Variants in SARDH observed in about 807,000 individuals in gnomAD.
The protein encoded by SARDH is sarcosine dehydrogenase.
Under a neutral mutation model 109.1 loss-of-function variants are expected in SARDH, and 95 were observed. The observed-to-expected ratio is 0.87, with a 90% CI of 0.74 to 1.03. The LOEUF (loss-of-function observed/expected upper bound fraction) is 1.03, where lower values mean the gene tolerates loss of function less well. Ranked by LOEUF, SARDH falls within the 50% of genes least tolerant of loss-of-function variation. SARDH has a pLI of 0.00. For synonymous variants in SARDH, 572 were observed against 534.8 expected (o/e 1.07, Z -0.96); for missense variants, 1,267 against 1,287.8 (o/e 0.98, Z 0.25).
rs1180871321 is a variant in SARDH at position 133,663,691 on chromosome 9, G to A, written c.*198C>T. 4 of 701,150 alleles carry A rather than the reference G, an allele frequency of 5.7e-6. No individual in the cohort carries two copies. The highest frequency in any genetic ancestry group is 9.7e-6 in the Non-Finnish European group (4 of 413,062). The allele number at this position is 701,150 out of a possible 1,614,324, so 43.4% of individuals were successfully genotyped here. A position where few individuals can be genotyped will look rare whatever the true frequency, so the allele number is the denominator to read the frequency against. On this transcript the variant is annotated 3_prime_UTR_variant, in exon 21 of 21. Transcript: ENST00000439388. ...GGAGGATTGGGGTGGATTAGAGACT[G>A]CCTTCCAGTCAGTGACCACAGGATG...
At chr9:133,720,064 C>A (rs1189144144) in intron 6 of SARDH, among the ~76,000 whole-genome samples, 2 of 151,350 alleles carry the variant, frequency 1.3e-5, no homozygotes, top group Non-Finnish European at 2.9e-5. Flanking sequence ...GAGCCGAGAT[C>A]GTGCCACTGC....
chr9:133,712,586 G>A lies in SARDH; in HGVS notation c.1328+33C>T, dbSNP rs756680. 53,820 of 1,576,740 alleles carry A rather than the reference G, an allele frequency of 0.034. 1,280 individuals are homozygous for A. Among genetic ancestry groups the A allele is most frequent in the East Asian group, 0.11 (4,988 of 44,676 alleles). Reference sequence around the variant, plus strand: ...CCCCACGCCACCTGTCCTGAGTGGCGGGCCCTGCCCTTAGGTCCCAATGGG... The same window carrying A: ...CCCCACGCCACCTGTCCTGAGTGGCAGGCCCTGCCCTTAGGTCCCAATGGG... On this transcript the variant is annotated intron_variant, in intron 10 of 20. Transcript: ENST00000439388. The surrounding 1 kb of genome is among the most constrained non-coding windows in gnomAD (Gnocchi z 4.1).
intron 8 of SARDH, among the ~76,000 whole-genome samples, chr9:133,716,474 G>C (rs1236136288): frequency 6.6e-6 from 1 of 152,218 alleles, no homozygotes; most frequent in Non-Finnish European, 1.5e-5. Context: ...TTCCCAGAGA[G>C]TGCACCTTTG....
intron 7 of SARDH, 81 bp from the exon 8 acceptor site, chr9:133,717,536 C>G: frequency 6.4e-7 from 1 of 1,570,096 alleles, no homozygotes; most frequent in Non-Finnish European, 8.7e-7. Context: ...CTTGTGATGG[C>G]TGCCAGGCCA....
At chr9:133,727,534 G>A (rs546498885) in intron 6 of SARDH, among the ~76,000 whole-genome samples, 2 of 152,382 alleles carry the variant, frequency 1.3e-5, no homozygotes, top group East Asian at 3.9e-4. Context: ...GTCAGGGCCA[G>A]CGGCCTGGCT....
intron 1 of SARDH, among the ~76,000 whole-genome samples, chr9:133,735,329 C>T (rs942642407): frequency 5.3e-5 from 8 of 152,214 alleles, no homozygotes; most frequent in African/African-American, 1.7e-4. Flanking sequence ...ACAGGCCTTC[C>T]TCCCCTCTGC....
chr9:133,708,313 T>A lies in SARDH; in HGVS notation c.1444A>T (p.Asn482Tyr). ...TCGTGCAGCGGGTCTCTCCTCATGT[T>A]GCGCCCGGCCAGCGGCTCATCGTGG... Reference protein sequence around the residue: ...FPHDEPLAGRNMRRDPLHEEL... With the variant: ...FPHDEPLAGRYMRRDPLHEEL... Residue 482 changes from asparagine (N) to tyrosine (Y), a missense_variant, in exon 11 of 21, where the codon AAC becomes TAC. Physicochemically the swap from Asn to Tyr is moderately radical, Grantham distance 143. Coordinates refer to ENST00000439388, the MANE Select transcript of SARDH (RefSeq NM_001134707.2). 1 of 1,613,254 alleles carries A rather than the reference T, an allele frequency of 6.2e-7. No homozygotes were observed. The highest frequency in any genetic ancestry group is 1.3e-5 in the African/African-American group (1 of 75,038).
chr9:133,704,055 G>A lies in SARDH; in HGVS notation c.1554+893C>T, dbSNP rs1237293957. Among the ~76,000 whole-genome samples the A allele has an allele frequency of 6.6e-6, 1 of 152,130 alleles. No homozygotes were observed. Among genetic ancestry groups the A allele is most frequent in the Non-Finnish European group, 1.5e-5 (1 of 68,012 alleles). On this transcript the variant is annotated intron_variant, in intron 12 of 20. Transcript: ENST00000439388. The surrounding 1 kb of genome is among the most constrained non-coding windows in gnomAD (Gnocchi z 4.5). ...ACACAGTGGGTTGCACTTCAAGACA[G>A]GGTCTGCCCAGACCCCTCCTCCCCG...
At chr9:133,664,829 G>A (rs1343110693) in intron 20 of SARDH, among the ~76,000 whole-genome samples, 2 of 152,242 alleles carry the variant, frequency 1.3e-5, no homozygotes, top group Non-Finnish European at 2.9e-5. Flanking sequence ...CTGCAGGGCT[G>A]AGAGCTCTGA....
intron 16 of SARDH, among the ~76,000 whole-genome samples, chr9:133,688,920 C>A (rs562353070): frequency 6.6e-6 from 1 of 152,260 alleles, no homozygotes; most frequent in South Asian, 2.1e-4. Context: ...TCAGCAAGCA[C>A]GCGTCTACCG....
intron 2 of SARDH, 35 bp from the exon 3 acceptor site, chr9:133,732,636 G>A (rs768119656): frequency 1.3e-5 from 21 of 1,568,764 alleles, no homozygotes; most frequent in Middle Eastern, 1.7e-4. Context: ...ACTCCCCAGG[G>A]AGTGGACTGC....
In SARDH at chr9:133,685,207, C is replaced by T. The variant is rs748136846; in HGVS notation, c.2149G>A (p.Ala717Thr). 8 of 1,613,878 alleles carry T rather than the reference C, an allele frequency of 5.0e-6. No individual in the cohort carries two copies. The East Asian group carries it at 8.9e-5, about 18-fold the overall frequency. The part of the protein sequence containing the change: ...FPFSTHKLLR[A>T]AGHLVRAMRL... ...CTGGAACCTACCAGGTGCCCTGCGG[C>T]TCTCAGTAGCTTGTGGGTGGAGAAC... The change falls in exon 17 of 21, where the codon GCC (alanine) becomes ACC (threonine). Residue 717 changes from alanine (A) to threonine (T), a missense_variant. Ala to Thr is a moderately conservative substitution (Grantham distance 58). Coordinates refer to ENST00000439388, the MANE Select transcript of SARDH (RefSeq NM_001134707.2).
rs1409738520 is a variant in SARDH at position 133,718,987 on chromosome 9, T to C, written c.971A>G (p.Asp324Gly). ...CTCATAGCCACCCACAGACAAGGCATCCCCTTGGAGGCGGAGGTAGACAGA... is the reference window on the plus strand; with the variant it reads ...CTCATAGCCACCCACAGACAAGGCACCCCCTTGGAGGCGGAGGTAGACAGA... ...DASVYLRLQG[D>G]ALSVGGYEAN... The change falls in exon 7 of 21, where the codon GAT becomes GGT. Residue 324 changes from aspartate (D) to glycine (G), a missense_variant. Transcript: ENST00000439388. This position sits in a 1 kb window ranked among gnomAD's most constrained non-coding sequence, Gnocchi z 4.2. 1 of 1,614,106 alleles carries C rather than the reference T, an allele frequency of 6.2e-7. No homozygotes were observed. The highest frequency in any genetic ancestry group is 8.5e-7 in the Non-Finnish European group (1 of 1,180,002).
At chr9:133,671,438 G>A in intron 18 of SARDH, 97 bp downstream of exon 18, 18 of 1,396,424 alleles carry the variant, frequency 1.3e-5, no homozygotes, top group Non-Finnish European at 1.7e-5. Flanking sequence ...TGACAACACA[G>A]GGAAGGTAAA....
At chr9:133,685,532 G>C (rs1271106548) in intron 16 of SARDH, among the ~76,000 whole-genome samples, 1 of 152,220 alleles carries the variant, frequency 6.6e-6, no homozygotes, top group Non-Finnish European at 1.5e-5. Context: ...CTTGGAGATA[G>C]CTCTAACGGG....
At chr9:133,710,151 C>G (rs1381843746) in intron 10 of SARDH, among the ~76,000 whole-genome samples, 3 of 152,268 alleles carry the variant, frequency 2.0e-5, no homozygotes, top group Non-Finnish European at 4.4e-5. Context: ...CCAGCCCACA[C>G]TCTGGCTCTG....
rs997751957 is a variant in SARDH at position 133,666,479 on chromosome 9, C to T, written c.2631+256G>A. Among the ~76,000 whole-genome samples the T allele has an allele frequency of 6.6e-6, 1 of 152,064 alleles. No individual in the cohort carries two copies. Among genetic ancestry groups the T allele is most frequent in the African/African-American group, 2.4e-5 (1 of 41,418 alleles). ...TCCACCTGCTGAGGCCTCTTCCTCC[C>T]CCTTCTCCTTCTCCCTCCCTCCTCC... On this transcript the variant is annotated intron_variant, in intron 20 of 20. Transcript: ENST00000439388. The surrounding 1 kb of genome is among the most constrained non-coding windows in gnomAD (Gnocchi z 5.2).
At chr9:133,680,472 TG>T (rs1029834140) in intron 17 of SARDH, among the ~76,000 whole-genome samples, 1 of 152,196 alleles carries the variant, frequency 6.6e-6, no homozygotes, top group African/African-American at 2.4e-5. Context: ...TGGGGCCACC[TG>T]GGAGCGCGTG....
downstream of SARDH, among the ~76,000 whole-genome samples, chr9:133,661,389 TC>T (rs1369761011): frequency 6.6e-6 from 1 of 151,636 alleles, no homozygotes; most frequent in African/African-American, 2.4e-5. Flanking sequence ...CCTTTCTGCG[TC>T]CCATTCATAC....
Sources: gnomAD v4.1 joint callset for allele counts (sites outside exome capture counted in the v4.1 genomes callset) on GRCh38, gnomAD v4.1.1 for gene constraint, Gnocchi (gnomAD v3.1) non-coding constraint, MANE v1.5 for transcripts, NCBI Gene and HGNC (gene_info 2026-07-23, HGNC 2026-07-21) for gene names.